BTBD9: variants seen among roughly 807,000 people sequenced by gnomAD.
BTBD9 encodes BTB domain containing 9, also known as BTB/POZ domain-containing protein 9.
Under a neutral mutation model 64.3 loss-of-function variants are expected in BTBD9, and 49 were observed. The ratio of observed to expected loss-of-function variants is 0.76; its 90% CI spans 0.61 to 0.97. The LOEUF (loss-of-function observed/expected upper bound fraction) is 0.97, where lower values mean the gene tolerates loss of function less well. BTBD9 is among the 50% of genes least tolerant of loss of function. BTBD9 has a pLI of 0.00. For synonymous variants in BTBD9, 260 were observed against 274.7 expected (o/e 0.95, Z 0.53); for missense variants, 598 against 762.1 (o/e 0.78, Z 2.53).
intron 8 of BTBD9, among the ~76,000 whole-genome samples, chr6:38,281,970 A>T (rs1203474262): frequency 1.3e-5 from 2 of 152,220 alleles, no homozygotes; most frequent in East Asian, 3.8e-4. Flanking sequence ...GCTGGAAAAG[A>T]CTGGATGATA....
At chr6:38,443,510 A>G (rs1769135248) in intron 6 of BTBD9, among the ~76,000 whole-genome samples, 1 of 152,206 alleles carries the variant, frequency 6.6e-6, no homozygotes, top group African/African-American at 2.4e-5. Context: ...AAGGGCATAC[A>G]GTGCTACCAC....
chr6:38,404,007 T>C (rs1167048147), intron 6 of BTBD9, among the ~76,000 whole-genome samples: 2 of 152,202 alleles, frequency 1.3e-5, no homozygotes, highest in Non-Finnish European at 2.9e-5. Context: ...TGATTCCATT[T>C]ACATGAAATG....
At chr6:38,352,679 C>T (rs1226645655) in intron 6 of BTBD9, among the ~76,000 whole-genome samples, 1 of 152,210 alleles carries the variant, frequency 6.6e-6, no homozygotes, top group Non-Finnish European at 1.5e-5. Flanking sequence ...ATTACCTATT[C>T]ACATATGGTA....
chr6:38,469,013 C>A (rs1770517666), intron 6 of BTBD9, among the ~76,000 whole-genome samples: 1 of 151,914 alleles, frequency 6.6e-6, no homozygotes, highest in South Asian at 2.1e-4. Context: ...GAATTTCAAT[C>A]CTTACTAAGG....
intron 6 of BTBD9, among the ~76,000 whole-genome samples, chr6:38,545,855 TACACACACACACACACACACAC>T (rs34465570): frequency 5.4e-5 from 7 of 130,592 alleles, no homozygotes; most frequent in African/African-American, 1.2e-4. Flanking sequence ...CACACACACA[TACACACACACACACACACACAC>T]ACACACACAC....
intron 7 of BTBD9, among the ~76,000 whole-genome samples, chr6:38,323,738 T>C (rs2127577366): frequency 1.3e-5 from 2 of 152,314 alleles, no homozygotes; most frequent in Admixed American, 1.3e-4. Flanking sequence ...TTCACACAAC[T>C]GGTGAAGGCC....
At chr6:38,386,255 T>G (rs982713505) in intron 6 of BTBD9, among the ~76,000 whole-genome samples, 48 of 152,068 alleles carry the variant, frequency 3.2e-4, no homozygotes, top group African/African-American at 1.0e-3. Context: ...CAGAATAAAT[T>G]TAAGGTAGGA....
intron 4 of BTBD9, among the ~76,000 whole-genome samples, chr6:38,582,080 A>T (rs531879403): frequency 2.0e-4 from 31 of 152,312 alleles, no homozygotes; most frequent in Non-Finnish European, 3.7e-4. Context: ...TTAATTTCAA[A>T]TGAAGATGAG....
At chr6:38,507,453 C>A (rs1458133256) in intron 6 of BTBD9, among the ~76,000 whole-genome samples, 1 of 152,162 alleles carries the variant, frequency 6.6e-6, no homozygotes, top group Non-Finnish European at 1.5e-5. Flanking sequence ...GAAACAATTG[C>A]CTATTCATGA....
At chr6:38,268,333 A>G (rs1765085325) in intron 8 of BTBD9, among the ~76,000 whole-genome samples, 1 of 152,208 alleles carries the variant, frequency 6.6e-6, no homozygotes, top group African/African-American at 2.4e-5. Flanking sequence ...AATAAGTGCC[A>G]TGGCTCCTCC....
rs541081930 is a variant in BTBD9, at chr6:38,376,657, T to C, written c.1155-31564A>G. On this transcript the variant is annotated intron_variant, in intron 6 of 10. Coordinates refer to ENST00000481247, the MANE Select transcript of BTBD9 (RefSeq NM_001099272.2). ...AATCATTAACCCCTAAAAAACCTCC[T>C]AACACCCTGCAATGCACATCAAATT... is the stretch of plus-strand genomic sequence containing the variant. 2.0e-5 allele frequency among the ~76,000 whole-genome samples: 3 copies of C among 152,198 alleles called. No homozygotes were observed. The South Asian group carries it at 6.2e-4, about 31-fold the overall frequency.
intron 6 of BTBD9, among the ~76,000 whole-genome samples, chr6:38,552,927 C>T (rs988053408): frequency 1.3e-5 from 2 of 152,110 alleles, no homozygotes; most frequent in Non-Finnish European, 2.9e-5. Flanking sequence ...TCAAAATCTA[C>T]AGATGCTCAA....
At chr6:38,546,157 C>T (rs899363089) in intron 6 of BTBD9, among the ~76,000 whole-genome samples, 1 of 152,222 alleles carries the variant, frequency 6.6e-6, no homozygotes, top group Non-Finnish European at 1.5e-5. Context: ...TGAGTTTTCT[C>T]TTTCCTGATA....
At chr6:38,369,345 A>T (rs570350321) in intron 6 of BTBD9, among the ~76,000 whole-genome samples, 1 of 152,340 alleles carries the variant, frequency 6.6e-6, no homozygotes, top group South Asian at 2.1e-4. Flanking sequence ...ACACAAATAT[A>T]CAAATGGGCT....
At chr6:38,305,525 C>T (rs1467155250) in intron 7 of BTBD9, among the ~76,000 whole-genome samples, 1 of 152,182 alleles carries the variant, frequency 6.6e-6, no homozygotes, top group Non-Finnish European at 1.5e-5. Flanking sequence ...CTCTGTTGCC[C>T]AGGCTGGAGT....
At chr6:38,553,406 A>G (rs1490795027) in intron 6 of BTBD9, among the ~76,000 whole-genome samples, 4 of 152,216 alleles carry the variant, frequency 2.6e-5, no homozygotes, top group African/African-American at 4.8e-5. Context: ...CAGATCCAAC[A>G]CAAAGCTGTC....
intron 1 of BTBD9, among the ~76,000 whole-genome samples, chr6:38,605,651 C>T (rs775533805): frequency 6.6e-6 from 1 of 152,098 alleles, no homozygotes; most frequent in Non-Finnish European, 1.5e-5. Context: ...CTTATCTACA[C>T]AACTTTTTGT....
intron 6 of BTBD9, among the ~76,000 whole-genome samples, chr6:38,464,389 A>G (rs1332556288): frequency 6.6e-6 from 1 of 152,126 alleles, no homozygotes; most frequent in Non-Finnish European, 1.5e-5. Flanking sequence ...CATGAAAAAA[A>G]AAAACCCACT....
chr6:38,442,587 C>T (rs931457653), intron 6 of BTBD9, among the ~76,000 whole-genome samples: 1 of 151,508 alleles, frequency 6.6e-6, no homozygotes, highest in South Asian at 2.1e-4. Context: ...ACCCAGTCCA[C>T]ACTGTTTAAC....
Sources: allele counts gnomAD v4.1 joint callset (sites outside exome capture counted in the v4.1 genomes callset), GRCh38; gene constraint gnomAD v4.1.1; transcripts MANE v1.5; gene names NCBI Gene and HGNC (gene_info 2026-07-23, HGNC 2026-07-21).